The following DIS3L2 variants were observed in gnomAD, a reference collection of about 807,000 sequenced individuals.
DIS3L2 encodes the protein DIS3-like exonuclease 2.
In DIS3L2, 34 loss-of-function variants were observed where a neutral mutation model predicts 97.5. The ratio of observed to expected loss-of-function variants is 0.35; its 90% CI spans 0.27 to 0.46. DIS3L2 has a LOEUF of 0.46. Among genes scored for constraint, DIS3L2 ranks in the 20% least tolerant of loss-of-function variants. The pLI is 1.00. For synonymous variants in DIS3L2, 435 were observed against 445.2 expected (o/e 0.98, Z 0.29); for missense variants, 1,038 against 1,146.0 (o/e 0.91, Z 1.36).
chr2:232,306,329 A>G (rs6437059), intron 14 of DIS3L2, among the ~76,000 whole-genome samples: 23,531 of 152,140 alleles, frequency 0.15, 2,936 homozygotes, highest in African/African-American at 0.34. Context: ...CAGTTCCATG[A>G]CCAGGTCTTC....
chr2:231,983,062 A>G (rs1693306848), intron 1 of DIS3L2, among the ~76,000 whole-genome samples: 1 of 152,012 alleles, frequency 6.6e-6, no homozygotes, highest in Non-Finnish European at 1.5e-5. Context: ...GCTGACTTTA[A>G]TGCATTTTAA....
chr2:232,014,451 C>A (rs1369710243), intron 1 of DIS3L2, among the ~76,000 whole-genome samples: 1 of 152,100 alleles, frequency 6.6e-6, no homozygotes, highest in African/African-American at 2.4e-5. Flanking sequence ...CATATTGAGC[C>A]CCAGTTTAGT....
At chr2:232,086,353 A>G (rs1696597050) in intron 5 of DIS3L2, among the ~76,000 whole-genome samples, 1 of 103,154 alleles carries the variant, frequency 9.7e-6, no homozygotes. Flanking sequence ...ATATATGTAT[A>G]TATATGTGTA....
At chr2:232,219,134 A>G (rs568168114) in intron 10 of DIS3L2, among the ~76,000 whole-genome samples, 1 of 152,336 alleles carries the variant, frequency 6.6e-6, no homozygotes, top group East Asian at 1.9e-4. Context: ...ACCTCCGCAG[A>G]ACTTTCCTTT....
rs551033515 is a variant in DIS3L2 at position 232,170,363 on chromosome 2, C to T, written c.1124+6731C>T. 5.9e-5 allele frequency among the ~76,000 whole-genome samples: 9 copies of T among 152,174 alleles called. No individual in the cohort carries two copies. In the South Asian group the frequency reaches 1.0e-3, roughly 18 times the overall value. On this transcript the variant is annotated intron_variant, in intron 9 of 20. Coordinates refer to ENST00000325385, the MANE Select transcript of DIS3L2 (RefSeq NM_152383.5). The stretch of plus-strand genomic sequence containing the variant: ...GGAGGGGGAAAATACCACACTAAAC[C>T]GATCTTTATGTTTCTCCTATAGTTA...
intron 6 of DIS3L2, among the ~76,000 whole-genome samples, chr2:232,110,204 A>G (rs551088221): frequency 1.3e-5 from 2 of 152,350 alleles, no homozygotes; most frequent in Non-Finnish European, 2.9e-5. Context: ...AGATGCTGGC[A>G]AGGCTGTGGA....
At chr2:232,287,386 GCGCC>G (rs1559193722) in intron 13 of DIS3L2, among the ~76,000 whole-genome samples, 1 of 5,618 alleles carries the variant, frequency 1.8e-4, no homozygotes, top group Admixed American at 2.4e-3. Context: ...CCTTCCCCCC[GCGCC>G]CCCCCCCCCC....
At chr2:231,983,243 G>A (rs990644046) in intron 1 of DIS3L2, among the ~76,000 whole-genome samples, 4 of 152,168 alleles carry the variant, frequency 2.6e-5, no homozygotes, top group African/African-American at 9.7e-5. Context: ...AAACTGAATG[G>A]CTTATAACAA....
chr2:232,176,842 A>G (rs901784868), intron 9 of DIS3L2, among the ~76,000 whole-genome samples: 14 of 150,234 alleles, frequency 9.3e-5, no homozygotes, highest in African/African-American at 3.2e-4. Context: ...TTTAGGGTAC[A>G]TGTGCACATT....
intron 13 of DIS3L2, among the ~76,000 whole-genome samples, chr2:232,288,087 G>A (rs1694494762): frequency 6.6e-6 from 1 of 152,194 alleles, no homozygotes; most frequent in Non-Finnish European, 1.5e-5. Flanking sequence ...GGGTGTAGGA[G>A]CAGGGGAGCA....
chr2:232,107,549 A>C, intron 6 of DIS3L2, among the ~76,000 whole-genome samples: 1 of 152,066 alleles, frequency 6.6e-6, no homozygotes, highest in African/African-American at 2.4e-5. Flanking sequence ...AAATACAAAA[A>C]TTAGCTGGGC....
intron 1 of DIS3L2, among the ~76,000 whole-genome samples, chr2:231,975,304 A>G (rs1160631817): frequency 1.3e-5 from 2 of 152,108 alleles, no homozygotes; most frequent in African/African-American, 2.4e-5. Context: ...ACAGGATTCT[A>G]TAATTTCTTT....
intron 5 of DIS3L2, among the ~76,000 whole-genome samples, chr2:232,081,971 G>A (rs1283071729): frequency 6.6e-6 from 1 of 152,142 alleles, no homozygotes; most frequent in Non-Finnish European, 1.5e-5. Context: ...TGTATTTTTG[G>A]TAGAGACAGG....
At chr2:232,072,061 T>C (rs1012550263) in intron 5 of DIS3L2, among the ~76,000 whole-genome samples, 1 of 151,838 alleles carries the variant, frequency 6.6e-6, no homozygotes, top group Non-Finnish European at 1.5e-5. Context: ...TCAGCTTGAG[T>C]GGCCTGGAAG....
intron 5 of DIS3L2, among the ~76,000 whole-genome samples, chr2:232,065,090 C>T (rs963821782): frequency 8.6e-5 from 13 of 152,026 alleles, no homozygotes; most frequent in East Asian, 7.7e-4. Flanking sequence ...TCCTTTTCTT[C>T]TTTCTTCTTA....
intron 6 of DIS3L2, among the ~76,000 whole-genome samples, chr2:232,114,690 G>A (rs555906728): frequency 3.0e-4 from 46 of 152,306 alleles, no homozygotes; most frequent in African/African-American, 1.1e-3. Flanking sequence ...TAATACCAGA[G>A]CACAACCTGG....
At chr2:232,058,658 A>C (rs1695613700) in intron 5 of DIS3L2, among the ~76,000 whole-genome samples, 1 of 152,180 alleles carries the variant, frequency 6.6e-6, no homozygotes, top group Non-Finnish European at 1.5e-5. Flanking sequence ...ATACTGCTTT[A>C]CAGCCTTCCT....
At chr2:232,112,988 T>A (rs939179463) in intron 6 of DIS3L2, among the ~76,000 whole-genome samples, 46 of 151,780 alleles carry the variant, frequency 3.0e-4, no homozygotes, top group Non-Finnish European at 2.2e-4. Flanking sequence ...GGATGCACAG[T>A]GGGGAGTCTG....
At chr2:232,142,982 A>G (rs1690111722) in intron 8 of DIS3L2, among the ~76,000 whole-genome samples, 1 of 152,224 alleles carries the variant, frequency 6.6e-6, no homozygotes, top group South Asian at 2.1e-4. Flanking sequence ...TAGTAATACG[A>G]TAGTGGTAAT....
Sources: gnomAD v4.1 joint callset for allele counts (sites outside exome capture counted in the v4.1 genomes callset) on GRCh38, gnomAD v4.1.1 for gene constraint, MANE v1.5 for transcripts, NCBI Gene and HGNC (gene_info 2026-07-23, HGNC 2026-07-21) for gene names.